Variants in DCC observed in about 807,000 individuals in gnomAD.
DCC encodes the protein DCC netrin 1 receptor.
DCC carries 58 observed loss-of-function variants against 172.5 expected under a neutral mutation model. The ratio of observed to expected loss-of-function variants is 0.34; its 90% CI spans 0.27 to 0.42. DCC has a LOEUF of 0.42. DCC is among the 10% of genes least tolerant of loss of function. The pLI, the probability that DCC is intolerant of heterozygous loss-of-function variation, is 1.00. For synonymous variants in DCC, 709 were observed against 644.5 expected, an observed-to-expected ratio of 1.10 and a Z score of -1.52; for missense variants, 1,740 against 1,791.0, an observed-to-expected ratio of 0.97 and a Z score of 0.51.
intron 21 of DCC, 66 bp from the exon 22 acceptor site, chr18:53,435,074 ATATT>A (rs1911849808): frequency 1.7e-6 from 2 of 1,181,932 alleles, no homozygotes; most frequent in Admixed American, 3.4e-5. Context: ...GTGTGTTAAA[ATATT>A]TATTCTTTTT....
At chr18:52,608,901 A>G (rs79696893) in intron 1 of DCC, among the ~76,000 whole-genome samples, 3,446 of 152,254 alleles carry the variant, frequency 0.023, 71 homozygotes, top group Non-Finnish European at 0.033. Context: ...ATTTCCTTAC[A>G]TCAAATTCTA....
At chr18:53,107,375 A>C (rs972101660) in intron 7 of DCC, among the ~76,000 whole-genome samples, 1 of 151,738 alleles carries the variant, frequency 6.6e-6, no homozygotes, top group Non-Finnish European at 1.5e-5. Flanking sequence ...TATGTTCTTA[A>C]ATTGGGCCCA....
intron 5 of DCC, among the ~76,000 whole-genome samples, chr18:52,973,796 T>A (rs755730189): frequency 6.6e-6 from 1 of 152,180 alleles, no homozygotes; most frequent in Admixed American, 6.5e-5. Flanking sequence ...TCAGGATACT[T>A]TTTTCTTCTT....
chr18:53,470,742 C>T (rs996577935), intron 25 of DCC, among the ~76,000 whole-genome samples: 2 of 151,980 alleles, frequency 1.3e-5, no homozygotes, highest in African/African-American at 2.4e-5. Context: ...AGAGAAAAAA[C>T]GAAGGGGGAA....
Position 53,427,921 on chromosome 18 carries a change from A to T in DCC, c.3164-7223A>T, listed in dbSNP as rs28390215. Among the ~76,000 whole-genome samples, 2 of 65,376 alleles carry T rather than the reference A, an allele frequency of 3.1e-5. 1 individual carries two copies. The highest frequency in any genetic ancestry group is 9.6e-5 in the African/African-American group (2 of 20,782). The allele number at this position is 65,376 out of a possible 152,430, so 42.9% of individuals were successfully genotyped here. On this transcript the variant is annotated intron_variant, in intron 21 of 28. Transcript: ENST00000442544. ...ATTATATATAATATATAATAATATA[A>T]TATATAATATAATATAATATATTAT...
At chr18:53,066,841 T>C (rs568737990) in intron 7 of DCC, among the ~76,000 whole-genome samples, 46 of 152,118 alleles carry the variant, frequency 3.0e-4, no homozygotes, top group Non-Finnish European at 4.4e-4. Context: ...GCTGGCCATC[T>C]GCTGGGCTTC....
At chr18:52,909,524 T>C (rs2039937858) in intron 3 of DCC, among the ~76,000 whole-genome samples, 1 of 152,184 alleles carries the variant, frequency 6.6e-6, no homozygotes, top group Admixed American at 6.6e-5. Flanking sequence ...AGTTATATAA[T>C]TCTAAATAAT....
At chr18:53,177,941 T>C (rs575165728) in intron 8 of DCC, among the ~76,000 whole-genome samples, 2 of 152,308 alleles carry the variant, frequency 1.3e-5, no homozygotes, top group Admixed American at 1.3e-4. Flanking sequence ...TAATTTTCCC[T>C]GGCAGAAAAA....
chr18:53,172,556 G>A (rs4277413), intron 8 of DCC, among the ~76,000 whole-genome samples: 90,510 of 151,996 alleles, frequency 0.6, 28,414 homozygotes, highest in African/African-American at 0.76. Flanking sequence ...ATTTCATCCA[G>A]TTTATTTAGT....
intron 2 of DCC, among the ~76,000 whole-genome samples, chr18:52,813,062 G>T (rs9964103): frequency 0.081 from 12,318 of 152,218 alleles, 619 homozygotes; most frequent in South Asian, 0.19. Context: ...ATGGGCTTAA[G>T]ATAGCTATGT....
At chr18:52,471,645 A>G (rs1451661546) in intron 1 of DCC, among the ~76,000 whole-genome samples, 1 of 152,230 alleles carries the variant, frequency 6.6e-6, no homozygotes, top group Non-Finnish European at 1.5e-5. Context: ...ACAAAAAATT[A>G]TATAGAGCTA....
At chr18:52,450,219 G>A (rs1281442966) in intron 1 of DCC, among the ~76,000 whole-genome samples, 2 of 152,116 alleles carry the variant, frequency 1.3e-5, no homozygotes, top group Admixed American at 6.5e-5. Context: ...TAGTAACATA[G>A]GCAGGAAGTA....
chr18:53,222,685 C>G (rs907119994), intron 12 of DCC, among the ~76,000 whole-genome samples: 1 of 152,014 alleles, frequency 6.6e-6, no homozygotes, highest in Non-Finnish European at 1.5e-5. Context: ...CACGCCCGGC[C>G]TATGGTACTT....
At chr18:53,015,199 C>G (rs1447946193) in intron 5 of DCC, among the ~76,000 whole-genome samples, 1 of 152,162 alleles carries the variant, frequency 6.6e-6, no homozygotes, top group Non-Finnish European at 1.5e-5. Flanking sequence ...TAATCCCAAT[C>G]TGACTTTAAT....
At chr18:53,357,592 A>G (rs2057891583) in intron 15 of DCC, among the ~76,000 whole-genome samples, 1 of 152,338 alleles carries the variant, frequency 6.6e-6, no homozygotes, top group Non-Finnish European at 1.5e-5. Context: ...ATTGGTTAAC[A>G]AAATTCTGCT....
At chr18:52,562,721 G>C (rs1280955085) in intron 1 of DCC, among the ~76,000 whole-genome samples, 1 of 152,082 alleles carries the variant, frequency 6.6e-6, no homozygotes, top group Non-Finnish European at 1.5e-5. Flanking sequence ...AAAATGGTGT[G>C]AGCTTTATGT....
At chr18:53,392,927 G>GA (rs1162082680) in intron 17 of DCC, among the ~76,000 whole-genome samples, 11 of 152,144 alleles carry the variant, frequency 7.2e-5, no homozygotes, top group African/African-American at 2.7e-4. Flanking sequence ...AGTCAGTTTT[G>GA]AAAATAAGAG....
intron 5 of DCC, among the ~76,000 whole-genome samples, chr18:53,044,863 G>A (rs933634710): frequency 6.6e-6 from 1 of 151,780 alleles, no homozygotes; most frequent in South Asian, 2.1e-4. Context: ...ATGTCAACGA[G>A]TGCAAAAACA....
chr18:53,120,404 C>T (rs1379600246), intron 7 of DCC, among the ~76,000 whole-genome samples: 1 of 151,560 alleles, frequency 6.6e-6, no homozygotes, highest in Non-Finnish European at 1.5e-5. Flanking sequence ...ATAAGACAAT[C>T]TTCAGTTGAA....
Sources: allele counts gnomAD v4.1 joint callset (sites outside exome capture counted in the v4.1 genomes callset), GRCh38; gene constraint gnomAD v4.1.1; transcripts MANE v1.5; gene names NCBI Gene and HGNC (gene_info 2026-07-23, HGNC 2026-07-21).